Variants in TRERF1 observed in about 807,000 individuals in gnomAD.
TRERF1 encodes the protein transcriptional regulating factor 1.
In TRERF1, 27 loss-of-function variants were observed where a neutral mutation model predicts 122.9. The observed-to-expected ratio is 0.22, with a 90% CI of 0.16 to 0.30. The LOEUF is 0.30. Ranked by LOEUF, TRERF1 falls within the 10% of genes least tolerant of loss-of-function variation. The pLI is 1.00. For synonymous variants in TRERF1, 636 were observed against 641.7 expected, an observed-to-expected ratio of 0.99 and a Z score of 0.13; for missense variants, 1,248 against 1,560.3, an observed-to-expected ratio of 0.80 and a Z score of 3.37.
At chr6:42,254,142 T>C (rs1031892425) in intron 13 of TRERF1, among the ~76,000 whole-genome samples, 1 of 152,196 alleles carries the variant, frequency 6.6e-6, no homozygotes, top group African/African-American at 2.4e-5. Flanking sequence ...TCCCTCTTAT[T>C]GTGGTATTGT....
intron 2 of TRERF1, among the ~76,000 whole-genome samples, chr6:42,409,920 T>C (rs189398356): frequency 6.6e-6 from 1 of 152,356 alleles, no homozygotes; most frequent in East Asian, 1.9e-4. Flanking sequence ...CCTATTTTTT[T>C]ACTCTTCTGA....
intron 2 of TRERF1, among the ~76,000 whole-genome samples, chr6:42,435,942 T>C (rs1425141689): frequency 1.3e-5 from 2 of 151,834 alleles, no homozygotes; most frequent in African/African-American, 4.8e-5. Context: ...ATTGCACCAC[T>C]GCACTCCAGC....
At chr6:42,407,565 G>A (rs1005974215) in intron 2 of TRERF1, among the ~76,000 whole-genome samples, 3 of 152,150 alleles carry the variant, frequency 2.0e-5, no homozygotes, top group Admixed American at 1.3e-4. Context: ...CTCTCAGGGT[G>A]GAGACTGGGA....
In TRERF1 at chr6:42,264,686, G is replaced by A; in HGVS notation, c.1635+18C>T. ...CAGCACACGACCTAGAAAGGACCGG[G>A]AACTGGCTCCTGCTAACCTGTTTGA... On this transcript the variant is annotated intron_variant, in intron 7 of 17. Transcript: ENST00000372922. 6.2e-7 allele frequency: 1 copy of A among 1,612,592 alleles called. No individual in the cohort carries two copies. Among genetic ancestry groups the A allele is most frequent in the Non-Finnish European group, 8.5e-7 (1 of 1,179,358 alleles).
chr6:42,438,391 C>T (rs964967674), intron 2 of TRERF1, among the ~76,000 whole-genome samples: 3 of 151,168 alleles, frequency 2.0e-5, no homozygotes, highest in African/African-American at 7.3e-5. Context: ...AGGTGGACCA[C>T]CTGAGGTCAG....
At chr6:42,415,933 A>G (rs978839848) in intron 2 of TRERF1, among the ~76,000 whole-genome samples, 2 of 152,276 alleles carry the variant, frequency 1.3e-5, no homozygotes, top group East Asian at 3.8e-4. Flanking sequence ...TGACACTTTT[A>G]TAACACTGAC....
chr6:42,227,979 TCA>T (rs1375833835), exon 18 of TRERF1: 82 of 177,194 alleles, frequency 4.6e-4, no homozygotes, highest in South Asian at 7.6e-4. Flanking sequence ...CGCCTGCGTC[TCA>T]CACACACACA....
intron 3 of TRERF1, among the ~76,000 whole-genome samples, chr6:42,352,913 C>G (rs900232588): frequency 6.6e-6 from 1 of 152,072 alleles, no homozygotes; most frequent in African/African-American, 2.4e-5. Flanking sequence ...CTAAGATTAT[C>G]GTGAAATGGG....
At chr6:42,333,306 T>C (rs1229836632) in intron 3 of TRERF1, among the ~76,000 whole-genome samples, 1 of 152,228 alleles carries the variant, frequency 6.6e-6, no homozygotes, top group Non-Finnish European at 1.5e-5. Context: ...TTGGGTCAAA[T>C]GATGTTTTAG....
intron 2 of TRERF1, among the ~76,000 whole-genome samples, chr6:42,436,344 G>A (rs2151724550): frequency 6.6e-6 from 1 of 151,634 alleles, no homozygotes; most frequent in South Asian, 2.1e-4. Context: ...ACTCCAGCCT[G>A]GGTGACAGAG....
rs117289099 is a variant in TRERF1, at chr6:42,348,247, T to C, written c.-371+14750A>G. On this transcript the variant is annotated intron_variant, in intron 3 of 17. Coordinates refer to ENST00000372922, the Ensembl canonical transcript of TRERF1. ...TCCCTGGCTCTTTTTTTCTTTTTTC[T>C]TTTTCTTCTTTTTCTTTCTTTTTTG... Among the ~76,000 whole-genome samples the C allele has an allele frequency of 2.5e-4, 38 of 152,106 alleles. No homozygotes were observed. The East Asian group carries it at 6.6e-3, about 26-fold the overall frequency.
At chr6:42,398,597 A>G (rs260280) in intron 2 of TRERF1, among the ~76,000 whole-genome samples, 2,956 of 152,234 alleles carry the variant, frequency 0.019, 93 homozygotes, top group African/African-American at 0.067. Flanking sequence ...AACTCCAAAG[A>G]AAAGACTCTC....
At chr6:42,277,477 G>A (rs779573272) in intron 4 of TRERF1, among the ~76,000 whole-genome samples, 6 of 152,110 alleles carry the variant, frequency 3.9e-5, no homozygotes, top group Non-Finnish European at 7.4e-5. Flanking sequence ...GGTTTGTCCC[G>A]CAGCAGTCCT....
chr6:42,305,180 C>A (rs1786965233), intron 3 of TRERF1, among the ~76,000 whole-genome samples: 1 of 152,158 alleles, frequency 6.6e-6, no homozygotes, highest in East Asian at 1.9e-4. Context: ...AGTGGTTGAG[C>A]CAGAGCTTTA....
chr6:42,284,001 T>C (rs1226879421), intron 4 of TRERF1, among the ~76,000 whole-genome samples: 1 of 152,152 alleles, frequency 6.6e-6, no homozygotes, highest in Non-Finnish European at 1.5e-5. Flanking sequence ...ATCTTACTGG[T>C]CTTTTGAGGC....
intron 4 of TRERF1, among the ~76,000 whole-genome samples, chr6:42,283,741 C>T (rs571100595): frequency 1.1e-4 from 16 of 151,738 alleles, no homozygotes; most frequent in Admixed American, 3.3e-4. Flanking sequence ...CTCAGCCTCC[C>T]GAGTAGCTGG....
chr6:42,447,594 G>A lies in TRERF1; in HGVS notation c.-454+3583C>T, dbSNP rs75890953. ...CTCAGCCACACAGTTTTATGAGGTC[G>A]GAAATAAAATGAGCTGAATTCAACC... is the stretch of plus-strand genomic sequence containing the variant. On this transcript the variant is annotated intron_variant, in intron 2 of 17. Transcript: ENST00000372922. Among the ~76,000 whole-genome samples, 3 of 152,328 alleles carry A rather than the reference G, an allele frequency of 2.0e-5. No homozygotes were observed. The East Asian group carries it at 5.8e-4, about 29-fold the overall frequency.
chr6:42,391,323 G>A (rs969276602), intron 2 of TRERF1, among the ~76,000 whole-genome samples: 1 of 152,152 alleles, frequency 6.6e-6, no homozygotes, highest in Non-Finnish European at 1.5e-5. Context: ...AGATGTTTTG[G>A]GGGTTAGAGT....
intron 4 of TRERF1, among the ~76,000 whole-genome samples, chr6:42,280,784 AG>A (rs1201748234): frequency 6.6e-6 from 1 of 152,180 alleles, no homozygotes; most frequent in Non-Finnish European, 1.5e-5. Flanking sequence ...GAAGCCAATT[AG>A]GAAGATGTCC....
Sources: gnomAD v4.1 joint callset for allele counts (sites outside exome capture counted in the v4.1 genomes callset) on GRCh38, gnomAD v4.1.1 for gene constraint, MANE v1.5 for transcripts, NCBI Gene and HGNC (gene_info 2026-07-23, HGNC 2026-07-21) for gene names.